MECOM: variants seen among roughly 807,000 people sequenced by gnomAD.
MECOM encodes the protein MDS1 and EVI1 complex locus.
Under a neutral mutation model 116.3 loss-of-function variants are expected in MECOM, and 13 were observed. The ratio of observed to expected loss-of-function variants is 0.11; its 90% confidence interval spans 0.07 to 0.18. The LOEUF (loss-of-function observed/expected upper bound fraction) is 0.18. MECOM is among the 10% of genes least tolerant of loss of function. The pLI is 1.00. For missense variants in MECOM, 1,299 were observed against 1,509.0 expected (o/e 0.86, Z 2.31); for synonymous variants, 528 against 535.2 (o/e 0.99, Z 0.19).
intron 1 of MECOM, among the ~76,000 whole-genome samples, chr3:169,625,858 T>C (rs967208993): frequency 2.0e-5 from 3 of 152,206 alleles, no homozygotes; most frequent in African/African-American, 4.8e-5. Context: ...TTAGGAGAGA[T>C]GATCGGAAGT....
At chr3:169,451,873 T>C (rs1039093704) in intron 1 of MECOM, among the ~76,000 whole-genome samples, 1 of 151,988 alleles carries the variant, frequency 6.6e-6, no homozygotes, top group African/African-American at 2.4e-5. Flanking sequence ...AAAATAGACA[T>C]GGTTTGCCTT....
chr3:169,449,995 A>T (rs1745276374), intron 1 of MECOM, among the ~76,000 whole-genome samples: 2 of 152,184 alleles, frequency 1.3e-5, no homozygotes, highest in Admixed American at 6.5e-5. Flanking sequence ...TGTCCCAATA[A>T]CATGTCAACA....
chr3:169,638,265 T>G (rs1262768771), intron 1 of MECOM, among the ~76,000 whole-genome samples: 1 of 152,188 alleles, frequency 6.6e-6, no homozygotes, highest in Non-Finnish European at 1.5e-5. Flanking sequence ...ACTACTCACC[T>G]TCCTCTCACT....
chr3:169,399,175 C>T (rs1735476202), intron 1 of MECOM, among the ~76,000 whole-genome samples: 1 of 152,160 alleles, frequency 6.6e-6, no homozygotes, highest in Admixed American at 6.6e-5. Context: ...TATATCTTCC[C>T]TCAGTGGCTG....
intron 1 of MECOM, among the ~76,000 whole-genome samples, chr3:169,395,038 T>C (rs1243528305): frequency 2.0e-5 from 3 of 152,176 alleles, no homozygotes; most frequent in African/African-American, 7.2e-5. Context: ...ATACATCAGG[T>C]CAAATATATA....
intron 2 of MECOM, among the ~76,000 whole-genome samples, chr3:169,339,356 C>A (rs919212261): frequency 6.6e-6 from 1 of 152,322 alleles, no homozygotes; most frequent in East Asian, 1.9e-4. Context: ...GGGGCACAGA[C>A]ATCTGTTTAA....
chr3:169,347,578 G>A (rs1350818952), intron 2 of MECOM, among the ~76,000 whole-genome samples: 2 of 151,690 alleles, frequency 1.3e-5, no homozygotes, highest in Non-Finnish European at 2.9e-5. Flanking sequence ...ACAAATAAAA[G>A]ACAAAAAATG....
chr3:169,357,524 TC>T (rs1187532969), intron 2 of MECOM, among the ~76,000 whole-genome samples: 21 of 151,772 alleles, frequency 1.4e-4, no homozygotes, highest in Admixed American at 1.4e-3. Context: ...TTTCTGGACC[TC>T]AGATACCTAG....
At chr3:169,382,897 T>C (rs920049310) in intron 1 of MECOM, among the ~76,000 whole-genome samples, 1 of 144,312 alleles carries the variant, frequency 6.9e-6, no homozygotes, top group South Asian at 2.3e-4. Flanking sequence ...TAAAATGGGT[T>C]GCCTCCAGCT....
chr3:169,649,577 T>A (rs1482857363), intron 1 of MECOM, among the ~76,000 whole-genome samples: 1 of 152,184 alleles, frequency 6.6e-6, no homozygotes, highest in Non-Finnish European at 1.5e-5. Context: ...CGGTGTTCAA[T>A]ATTTTCAGGA....
At chr3:169,469,273 C>G (rs890911924) in intron 1 of MECOM, among the ~76,000 whole-genome samples, 1 of 152,058 alleles carries the variant, frequency 6.6e-6, no homozygotes, top group Non-Finnish European at 1.5e-5. Context: ...AAGAAAGATA[C>G]AAATGTGTGG....
intron 1 of MECOM, among the ~76,000 whole-genome samples, chr3:169,432,102 T>A (rs1016137587): frequency 6.6e-6 from 1 of 151,962 alleles, no homozygotes; most frequent in African/African-American, 2.4e-5. Context: ...CTTGTTTAAT[T>A]CTCTCCCTTT....
chr3:169,562,595 C>A (rs1762783708), intron 1 of MECOM, among the ~76,000 whole-genome samples: 1 of 152,132 alleles, frequency 6.6e-6, no homozygotes, highest in Admixed American at 6.6e-5. Context: ...GTGTCTTAAC[C>A]TTTCCGCCTC....
At chr3:169,400,553 T>C (rs1052257616) in intron 1 of MECOM, among the ~76,000 whole-genome samples, 2 of 152,164 alleles carry the variant, frequency 1.3e-5, no homozygotes, top group Admixed American at 1.3e-4. Context: ...TTTCTATATA[T>C]ATACAGTGAA....
At chr3:169,274,025 C>A (rs1759288108) in intron 2 of MECOM, among the ~76,000 whole-genome samples, 1 of 151,254 alleles carries the variant, frequency 6.6e-6, no homozygotes, top group Non-Finnish European at 1.5e-5. Flanking sequence ...GAGTCTCCTG[C>A]CTCAGCCTCC....
At chr3:169,122,037 G>A (rs1296992974) in intron 6 of MECOM, among the ~76,000 whole-genome samples, 1 of 152,172 alleles carries the variant, frequency 6.6e-6, no homozygotes, top group African/African-American at 2.4e-5. Context: ...TCACAGTTAT[G>A]GTCTAAGTTG....
At chr3:169,497,549 A>G (rs61024481) in intron 1 of MECOM, among the ~76,000 whole-genome samples, 7,496 of 151,634 alleles carry the variant, frequency 0.049, 413 homozygotes, top group East Asian at 0.31. Context: ...GTAGAGATGG[A>G]GTTTTACCAT....
At chr3:169,577,209 G>A (rs948700764) in intron 1 of MECOM, among the ~76,000 whole-genome samples, 2 of 152,178 alleles carry the variant, frequency 1.3e-5, no homozygotes, top group Admixed American at 1.3e-4. Flanking sequence ...ATGAGTTAAC[G>A]TATAAAGAAA....
intron 2 of MECOM, among the ~76,000 whole-genome samples, chr3:169,181,379 A>G (rs1275535974): frequency 2.0e-5 from 3 of 152,192 alleles, no homozygotes; most frequent in African/African-American, 4.8e-5. Flanking sequence ...CATGTGACCA[A>G]TGCCAGCTGT....
Sources: gnomAD v4.1 joint callset for allele counts (sites outside exome capture counted in the v4.1 genomes callset) on GRCh38, gnomAD v4.1.1 for gene constraint, MANE v1.5 for transcripts, NCBI Gene and HGNC (gene_info 2026-07-23, HGNC 2026-07-21) for gene names.